Variants in OR2T1 observed in about 807,000 individuals in gnomAD.
OR2T1 encodes olfactory receptor 2T1.
For synonymous variants in OR2T1, 186 were observed against 145.4 expected, an observed-to-expected ratio of 1.28 and a Z score of -2.01; for missense variants, 440 against 390.2, an observed-to-expected ratio of 1.13 and a Z score of -1.07.
chr1:248,406,001 C>A (rs774669115), intron 1 of OR2T1, 114 bp from the exon 2 acceptor site: 2 of 1,603,122 alleles, frequency 1.2e-6, no homozygotes, highest in South Asian at 2.2e-5. Flanking sequence ...CTCAATGTGG[C>A]AAGAATACTA....
chr1:248,403,469 G>T (rs1048655742), intron 1 of OR2T1, among the ~76,000 whole-genome samples: 1 of 152,102 alleles, frequency 6.6e-6, no homozygotes, highest in South Asian at 2.1e-4. Context: ...AGCAGATACT[G>T]AGGCTCAGGG....
Position 248,406,997 on chromosome 1 carries a change from C to A in OR2T1, c.850C>A (p.Leu284Met). The A allele has an allele frequency of 6.2e-7, 1 of 1,614,138 alleles. No individual in the cohort carries two copies. Among genetic ancestry groups the A allele is most frequent in the Non-Finnish European group, 8.5e-7 (1 of 1,179,998 alleles). The change falls in exon 2 of 2, where the codon CTG becomes ATG. Residue 284 changes from leucine to methionine, a missense_variant. Physicochemically the swap from Leu to Met is conservative, Grantham distance 15. Transcript: ENST00000642005. Reference sequence around the variant, plus strand: ...GTTTTACACCATTCTCACACCCATGCTGAACCCCCTCATCTACAGCCTTAG... The same window carrying A: ...GTTTTACACCATTCTCACACCCATGATGAACCCCCTCATCTACAGCCTTAG... ...SVFYTILTPM[L>M]NPLIYSLRNK...
Position 248,407,351 on chromosome 1 carries a change from A to T in OR2T1, c.*247A>T. On this transcript the variant is annotated 3_prime_UTR_variant, in exon 2 of 2. Coordinates refer to ENST00000642005, the MANE Select transcript of OR2T1 (RefSeq NM_030904.2). ...CCTGCTTCTTTTTCTCCCCAAAGAAAGCCTTAGAAACTAAAAATATAATCC... is the reference window on the plus strand; with the variant it reads ...CCTGCTTCTTTTTCTCCCCAAAGAATGCCTTAGAAACTAAAAATATAATCC... The T allele has an allele frequency of 2.3e-6, 1 of 442,460 alleles. No homozygotes were observed. The highest frequency in any genetic ancestry group is 3.9e-6 in the Non-Finnish European group (1 of 253,730). The allele number at this position is 442,460 out of a possible 1,614,324, so 27.4% of individuals were successfully genotyped here.
chr1:248,406,101 A>T lies in OR2T1; in HGVS notation c.-33-14A>T. The T allele has an allele frequency of 6.2e-7, 1 of 1,614,080 alleles. No individual in the cohort carries two copies. The highest frequency in any genetic ancestry group is 8.5e-7 in the Non-Finnish European group (1 of 1,179,944). On this transcript the variant is annotated splice_polypyrimidine_tract_variant and intron_variant, in intron 1 of 1. Transcript: ENST00000642005. ...ATTTTACTGCCCTGGGAATGCTATC[A>T]TCTTATTTGGAAGATATTACCTTAT...
chr1:248,407,653 G>A lies in OR2T1; in HGVS notation c.*549G>A, dbSNP rs1203630892. Reference sequence around the variant, plus strand: ...AAAGTCTCCATATAAGGGCCAAAAGGAGAGGACAGAAAACTTCTGGACAGC... The same window carrying A: ...AAAGTCTCCATATAAGGGCCAAAAGAAGAGGACAGAAAACTTCTGGACAGC... On this transcript the variant is annotated 3_prime_UTR_variant, in exon 2 of 2. Transcript: ENST00000642005. The A allele has an allele frequency of 6.6e-6, 1 of 152,474 alleles. No homozygotes were observed. The highest frequency in any genetic ancestry group is 1.5e-5 in the Non-Finnish European group (1 of 68,244). The allele number at this position is 152,474 out of a possible 1,614,324, so 9.4% of individuals were successfully genotyped here.
rs1355076803 is a variant in OR2T1, at chr1:248,406,684, G to C, written c.537G>C (p.Glu179Asp). ...GGGAGATTAACCACTTCTTCTGTGA[G>C]GCACCAGCAGTCCTGAAGTTGGCAT... ...NSREINHFFC[E>D]APAVLKLACA... Residue 179 changes from glutamate to aspartate, a missense_variant, in exon 2 of 2, where the codon GAG (glutamate) becomes GAC (aspartate). Coordinates refer to ENST00000642005, the MANE Select transcript of OR2T1 (RefSeq NM_030904.2). 6.2e-7 allele frequency: 1 copy of C among 1,614,110 alleles called. No homozygotes were observed. Among genetic ancestry groups the C allele is most frequent in the Non-Finnish European group, 8.5e-7 (1 of 1,179,998 alleles).
chr1:248,406,327 C>T lies in OR2T1; in HGVS notation c.180C>T (p.Phe60=). 1 of 1,614,132 alleles carries T rather than the reference C, an allele frequency of 6.2e-7. No individual in the cohort carries two copies. Among genetic ancestry groups the T allele is most frequent in the Non-Finnish European group, 8.5e-7 (1 of 1,179,986 alleles). ...TGCGCCTTCATACACCCATGTACTT[C>T]CTCCTCAGCCACCTTTCCTTAATTG... ...TDLRLHTPMY[F]LLSHLSLIDM... The change falls in exon 2 of 2, where the codon TTC becomes TTT. Residue 60 remains phenylalanine, a synonymous_variant. Coordinates refer to ENST00000642005, the MANE Select transcript of OR2T1 (RefSeq NM_030904.2).
chr1:248,403,759 A>G (rs556217120), intron 1 of OR2T1, among the ~76,000 whole-genome samples: 1 of 152,286 alleles, frequency 6.6e-6, no homozygotes, highest in African/African-American at 2.4e-5. Flanking sequence ...TAAATTTAAC[A>G]AAACATTTTA....
Position 248,407,048 on chromosome 1 carries a change from A to T in OR2T1, c.901A>T (p.Lys301Ter). The T allele has an allele frequency of 6.2e-7, 1 of 1,613,638 alleles. No individual in the cohort carries two copies. The highest frequency in any genetic ancestry group is 8.5e-7 in the Non-Finnish European group (1 of 1,179,724). Residue 301 changes from lysine to a stop codon, truncating the protein, a stop_gained, in exon 2 of 2, where the codon AAG becomes TAG. Transcript: ENST00000642005. LOFTEE classifies it low-confidence loss of function (END_TRUNC). ...AAACAAGGATGTGACTGGAGCTCTG[A>T]AGAGGGCCTTGGGGAGGTTCAAGGG... Reference protein sequence around the residue: ...LRNKDVTGALKRALGRFKGPQ... With the variant: ...LRNKDVTGAL
chr1:248,404,081 T>C (rs1661488534), intron 1 of OR2T1, among the ~76,000 whole-genome samples: 1 of 150,948 alleles, frequency 6.6e-6, no homozygotes, highest in Non-Finnish European at 1.5e-5. Context: ...CCTGAAATTG[T>C]ATAAAACAGT....
chr1:248,406,940 C>T lies in OR2T1; in HGVS notation c.793C>T (p.His265Tyr). ...MYTYMLPHSYHKPAQDKVLSV... is the reference protein window; with the variant it reads ...MYTYMLPHSYYKPAQDKVLSV... ...CACCTACATGCTGCCACATTCTTAC[C>T]ACAAGCCAGCCCAGGACAAAGTCCT... Residue 265 changes from histidine to tyrosine, a missense_variant, in exon 2 of 2, where the codon CAC becomes TAC. By Grantham distance (83) the His-to-Tyr change is moderately conservative (BLOSUM62 2). Coordinates refer to ENST00000642005, the MANE Select transcript of OR2T1 (RefSeq NM_030904.2). 1 of 1,614,116 alleles carries T rather than the reference C, an allele frequency of 6.2e-7. No individual in the cohort carries two copies. Among genetic ancestry groups the T allele is most frequent in the South Asian group, 1.1e-5 (1 of 91,068 alleles).
chr1:248,407,230 G>T lies in OR2T1; in HGVS notation c.*126G>T. 1 of 952,428 alleles carries T rather than the reference G, an allele frequency of 1.0e-6. No homozygotes were observed. Among genetic ancestry groups the T allele is most frequent in the South Asian group, 1.9e-5 (1 of 51,296 alleles). The allele number at this position is 952,428 out of a possible 1,614,324, so 59.0% of individuals were successfully genotyped here. A position where few individuals can be genotyped will look rare whatever the true frequency, so the allele number is the denominator to read the frequency against. The stretch of plus-strand genomic sequence containing the variant: ...ATTACAATATTGGTTTTTTGGCTAG[G>T]GTTTCTGGTTCATAACTCCATAGTT... On this transcript the variant is annotated 3_prime_UTR_variant, in exon 2 of 2. Coordinates refer to ENST00000642005, the MANE Select transcript of OR2T1 (RefSeq NM_030904.2).
At position 248,406,885 on chromosome 1, in the gene OR2T1, G is replaced by A; in HGVS notation, c.738G>A (p.Val246=). The A allele has an allele frequency of 6.2e-7, 1 of 1,614,132 alleles. No individual in the cohort carries two copies. The highest frequency in any genetic ancestry group is 8.5e-7 in the Non-Finnish European group (1 of 1,180,004). The change falls in exon 2 of 2, where the codon GTG becomes GTA. Residue 246 remains valine, a synonymous_variant. Coordinates refer to ENST00000642005, the MANE Select transcript of OR2T1 (RefSeq NM_030904.2). ...AFATCSSHMT[V]VSLFYGAAMY... is the part of the protein sequence containing the mutation. ...CCACTTGCTCATCCCACATGACTGT[G>A]GTGTCCTTGTTCTACGGGGCTGCCA...
intron 1 of OR2T1, among the ~76,000 whole-genome samples, chr1:248,404,632 C>T (rs1462255458): frequency 6.8e-6 from 1 of 147,814 alleles, no homozygotes; most frequent in African/African-American, 2.5e-5. Context: ...AGTTTATATC[C>T]ATAAAACAGC....
chr1:248,404,849 A>G (rs978096615), intron 1 of OR2T1, among the ~76,000 whole-genome samples: 1 of 152,002 alleles, frequency 6.6e-6, no homozygotes, highest in African/African-American at 2.4e-5. Context: ...ATGAATTGAG[A>G]CTATCTAGTC....
In OR2T1 at chr1:248,406,654, T is replaced by C. The variant is rs1661566366; in HGVS notation, c.507T>C (p.Asn169=). Residue 169 remains asparagine (N), a synonymous_variant, in exon 2 of 2, where the codon AAT becomes AAC. Transcript: ENST00000642005. ...TPITMSFPFC[N]SREINHFFCE... is the part of the protein sequence containing the mutation. ...TCACCATGAGCTTTCCCTTCTGCAA[T>C]TCCCGGGAGATTAACCACTTCTTCT... The C allele has an allele frequency of 1.2e-6, 2 of 1,614,004 alleles. No homozygotes were observed. The highest frequency in any genetic ancestry group is 8.5e-7 in the Non-Finnish European group (1 of 1,180,016).
Position 248,407,769 on chromosome 1 carries a change from T to C in OR2T1, c.*665T>C, listed in dbSNP as rs544363943. On this transcript the variant is annotated 3_prime_UTR_variant, in exon 2 of 2. Transcript: ENST00000642005. ...CCAACTCCACAGAGGCAGAAGCTCTTATGCTCTTCCAGACCTCACCCTCTG... is the reference window on the plus strand; with the variant it reads ...CCAACTCCACAGAGGCAGAAGCTCTCATGCTCTTCCAGACCTCACCCTCTG... The C allele has an allele frequency of 6.6e-6, 1 of 152,380 alleles. No individual in the cohort carries two copies. The highest frequency in any genetic ancestry group is 1.9e-4 in the East Asian group (1 of 5,188). 9.4% of individuals were successfully genotyped at this position (152,380 alleles called of 1,614,324 possible). A position where few individuals can be genotyped will look rare whatever the true frequency, so the allele number is the denominator to read the frequency against.
In OR2T1 at chr1:248,405,562, T is replaced by C. The variant is rs116564999; in HGVS notation, c.-33-553T>C. Among the ~76,000 whole-genome samples, 945 of 152,326 alleles carry C rather than the reference T, an allele frequency of 6.2e-3. 6 individuals carry two copies. The highest frequency in any genetic ancestry group is 0.021 in the African/African-American group (864 of 41,572). ...CGTTGAGTTTCTGTTGCCCTTTTTA[T>C]TTCATCCCTTATAATTTGTCTGGGA... On this transcript the variant is annotated intron_variant, in intron 1 of 1. Coordinates refer to ENST00000642005, the MANE Select transcript of OR2T1 (RefSeq NM_030904.2).
rs1661607917 is a variant in OR2T1, at chr1:248,407,964, A to G, written c.*860A>G. On this transcript the variant is annotated 3_prime_UTR_variant, in exon 2 of 2. Transcript: ENST00000642005. The stretch of plus-strand genomic sequence containing the variant: ...ACAATCACTTGGTCAAAAGTACAGG[A>G]CAACTTGGGGCTTTTAATTGGCACT... 6.6e-6 allele frequency: 1 copy of G among 152,308 alleles called. No homozygotes were observed. Among genetic ancestry groups the G allele is most frequent in the African/African-American group, 2.4e-5 (1 of 41,456 alleles). 9.4% of individuals were successfully genotyped at this position (152,308 alleles called of 1,614,324 possible).
Sources: gnomAD v4.1 joint callset for allele counts (sites outside exome capture counted in the v4.1 genomes callset) on GRCh38, gnomAD v4.1.1 for gene constraint, MANE v1.5 for transcripts, NCBI Gene and HGNC (gene_info 2026-07-23, HGNC 2026-07-21) for gene names.